The following DMRT1 variants were observed in gnomAD, a reference collection of about 807,000 sequenced individuals.
The protein encoded by DMRT1 is doublesex- and mab-3-related transcription factor 1.
A neutral mutation model predicts 32.3 loss-of-function variants in DMRT1; 7 were observed. That is an observed-to-expected ratio of 0.22 (90% CI 0.12 to 0.41). The LOEUF (loss-of-function observed/expected upper bound fraction) is 0.41, where lower values mean the gene tolerates loss of function less well. Ranked by LOEUF, DMRT1 falls within the 10% of genes least tolerant of loss-of-function variation. The pLI, the probability that DMRT1 is intolerant of heterozygous loss-of-function variation, is 1.00. For missense variants in DMRT1, 625 were observed against 500.5 expected (o/e 1.25, Z -2.37); for synonymous variants, 278 against 206.1 (o/e 1.35, Z -2.99).
intron 4 of DMRT1, among the ~76,000 whole-genome samples, chr9:918,705 C>G (rs1335066238): frequency 5.5e-5 from 7 of 127,630 alleles, no homozygotes; most frequent in East Asian, 2.5e-4. Context: ...GAGGCCCAAG[C>G]TTCAGAAACG....
intron 3 of DMRT1, 107 bp downstream of exon 3, chr9:894,302 G>A: frequency 8.3e-7 from 1 of 1,207,674 alleles, no homozygotes; most frequent in South Asian, 1.2e-5. Context: ...TGCGCCCAGA[G>A]GCACACACAG....
At chr9:913,040 T>A (rs10977448) in intron 3 of DMRT1, among the ~76,000 whole-genome samples, 1 of 152,208 alleles carries the variant, frequency 6.6e-6, no homozygotes, top group Non-Finnish European at 1.5e-5. Flanking sequence ...ATATACTGTT[T>A]GACATTTACA....
At chr9:846,156 C>T (rs1412689464) in intron 1 of DMRT1, among the ~76,000 whole-genome samples, 5 of 151,554 alleles carry the variant, frequency 3.3e-5, no homozygotes, top group Non-Finnish European at 5.9e-5. Flanking sequence ...CTCAGCCTCC[C>T]GAGTAGCTGG....
rs745444841 is a variant in DMRT1, at chr9:916,722, C to G, written c.823-41C>G. 1.1e-5 allele frequency: 18 copies of G among 1,609,624 alleles called. 1 individual carries two copies. Among genetic ancestry groups the G allele is most frequent in the Non-Finnish European group, 1.3e-5 (15 of 1,176,108 alleles). On this transcript the variant is annotated intron_variant, in intron 3 of 4. Coordinates refer to ENST00000382276, the MANE Select transcript of DMRT1 (RefSeq NM_021951.3). ...TAATTATTGTACTAGTTGTGACATG[C>G]AATGTTGATCTCAGTATATTTCTTC...
intron 2 of DMRT1, among the ~76,000 whole-genome samples, chr9:864,347 G>C (rs1030737386): frequency 6.6e-6 from 1 of 151,480 alleles, no homozygotes; most frequent in Non-Finnish European, 1.5e-5. Context: ...GGGATTAAAG[G>C]TGTCTGCCAC....
intron 4 of DMRT1, among the ~76,000 whole-genome samples, chr9:948,457 T>C (rs772013467): frequency 3.9e-5 from 6 of 152,156 alleles, no homozygotes; most frequent in Non-Finnish European, 7.4e-5. Flanking sequence ...CCAGACCCTA[T>C]GATTCCATTT....
rs529740095 is a variant in DMRT1 at position 861,771 on chromosome 9, T to C, written c.538+14628T>C. On this transcript the variant is annotated intron_variant, in intron 2 of 4. Coordinates refer to ENST00000382276, the MANE Select transcript of DMRT1 (RefSeq NM_021951.3). The stretch of plus-strand genomic sequence containing the variant: ...GGACGGGGCGGCTGCTGGGCGGAGA[T>C]GCTCCCCACTTCCCAGACGGGGCGG... Among the ~76,000 whole-genome samples, 821 of 140,504 alleles carry C rather than the reference T, an allele frequency of 5.8e-3. 9 individuals are homozygous for C. The highest frequency in any genetic ancestry group is 9.7e-3 in the Non-Finnish European group (633 of 65,474). The allele number at this position is 140,504 out of a possible 152,430, so 92.2% of individuals were successfully genotyped here.
chr9:870,135 C>T (rs11788587), intron 2 of DMRT1, among the ~76,000 whole-genome samples: 23,357 of 152,176 alleles, frequency 0.15, 2,042 homozygotes, highest in African/African-American at 0.23. Flanking sequence ...CGGTGGCTCA[C>T]GCCTGTAATC....
chr9:875,214 T>C (rs1816445968), intron 2 of DMRT1, among the ~76,000 whole-genome samples: 1 of 152,206 alleles, frequency 6.6e-6, no homozygotes, highest in Non-Finnish European at 1.5e-5. Context: ...TTTATTCTCT[T>C]ACTCTTAAAA....
chr9:950,498 C>G lies in DMRT1; in HGVS notation c.968-17487C>G, dbSNP rs1212266094. Among the ~76,000 whole-genome samples, 5 of 152,008 alleles carry G rather than the reference C, an allele frequency of 3.3e-5. No individual in the cohort carries two copies. The East Asian group carries it at 9.7e-4, about 29-fold the overall frequency. On this transcript the variant is annotated intron_variant, in intron 4 of 4. Transcript: ENST00000382276. ...ATCTGAGTCTGTTTTTAAAATCTGT[C>G]AAGTAAGGATGTTAATATCCACCTC...
At chr9:881,140 G>A (rs1030115072) in intron 2 of DMRT1, among the ~76,000 whole-genome samples, 3 of 152,128 alleles carry the variant, frequency 2.0e-5, no homozygotes, top group Admixed American at 6.5e-5. Context: ...TGTGCAGCCA[G>A]GTTTGAAAAC....
chr9:932,245 C>T (rs527298673), intron 4 of DMRT1, among the ~76,000 whole-genome samples: 2 of 152,306 alleles, frequency 1.3e-5, no homozygotes, highest in East Asian at 1.9e-4. Context: ...AACAAATGCT[C>T]TGCATAACCT....
At chr9:881,191 AG>A (rs1816723046) in intron 2 of DMRT1, among the ~76,000 whole-genome samples, 1 of 152,130 alleles carries the variant, frequency 6.6e-6, no homozygotes, top group African/African-American at 2.4e-5. Context: ...CTTGGTAGGG[AG>A]GGGGCTCTCC....
chr9:950,552 G>A (rs181013557), intron 4 of DMRT1, among the ~76,000 whole-genome samples: 1 of 152,258 alleles, frequency 6.6e-6, no homozygotes, highest in East Asian at 1.9e-4. Context: ...AGATGGTAAA[G>A]TATAGTGCCT....
intron 2 of DMRT1, among the ~76,000 whole-genome samples, chr9:870,493 C>T (rs1399190500): frequency 6.6e-6 from 1 of 152,084 alleles, no homozygotes; most frequent in Non-Finnish European, 1.5e-5. Flanking sequence ...GTGACAGCAT[C>T]CGTCATAATT....
intron 2 of DMRT1, among the ~76,000 whole-genome samples, chr9:861,810 GGGGGCTC>G (rs1815701871): frequency 1.3e-5 from 2 of 149,188 alleles, no homozygotes; most frequent in Non-Finnish European, 3.0e-5. Context: ...CCGGGCGGGG[GGGGGCTC>G]CTTCAGACGG....
chr9:901,811 C>T lies in DMRT1; in HGVS notation c.822+7616C>T, dbSNP rs116288557. ...TGCCCTGGGCCCTCTCACCCTTGGC[C>T]GGGAGCCCTTCACAGTCTTGTTATC... On this transcript the variant is annotated intron_variant, in intron 3 of 4. Coordinates refer to ENST00000382276, the MANE Select transcript of DMRT1 (RefSeq NM_021951.3). Among the ~76,000 whole-genome samples, 660 of 151,708 alleles carry T rather than the reference C, an allele frequency of 4.4e-3. 4 individuals carry two copies. Among genetic ancestry groups the T allele is most frequent in the African/African-American group, 0.015 (624 of 41,294 alleles).
intron 2 of DMRT1, among the ~76,000 whole-genome samples, chr9:877,631 A>T (rs560267813): frequency 6.6e-6 from 1 of 152,224 alleles, no homozygotes; most frequent in Non-Finnish European, 1.5e-5. Context: ...GAAGCTAAAT[A>T]TGGAATTGTA....
intron 2 of DMRT1, among the ~76,000 whole-genome samples, chr9:875,142 G>A (rs556206376): frequency 6.6e-6 from 1 of 152,124 alleles, no homozygotes; most frequent in Non-Finnish European, 1.5e-5. Context: ...ATGTTTGTAG[G>A]AGTATGTGCT....
Sources: gnomAD v4.1 joint callset for allele counts (sites outside exome capture counted in the v4.1 genomes callset) on GRCh38, gnomAD v4.1.1 for gene constraint, MANE v1.5 for transcripts, NCBI Gene and HGNC (gene_info 2026-07-23, HGNC 2026-07-21) for gene names.